HCRTR2: variants seen among roughly 807,000 people sequenced by gnomAD.
The protein encoded by HCRTR2 is hypocretin receptor 2.
HCRTR2 carries 22 observed loss-of-function variants against 49.0 expected under a neutral mutation model. The ratio of observed to expected loss-of-function variants is 0.45; its 90% confidence interval spans 0.32 to 0.64. The LOEUF (loss-of-function observed/expected upper bound fraction) is 0.64, where lower values mean the gene tolerates loss of function less well. HCRTR2 is among the 30% of genes least tolerant of loss of function. The pLI, the probability that HCRTR2 is intolerant of heterozygous loss-of-function variation, is 0.04. For synonymous variants in HCRTR2, 236 were observed against 205.3 expected (o/e 1.15, Z -1.28); for missense variants, 491 against 559.4 (o/e 0.88, Z 1.23).
At chr6:55,246,521 A>G (rs12525016) in intron 1 of HCRTR2, among the ~76,000 whole-genome samples, 4,357 of 152,146 alleles carry the variant, frequency 0.029, 269 homozygotes, top group Admixed American at 0.15. Context: ...GGTTAGACTG[A>G]ATAATCTCCA....
upstream of HCRTR2, among the ~76,000 whole-genome samples, chr6:55,170,049 G>A (rs368853229): frequency 1.8e-4 from 27 of 149,694 alleles, no homozygotes; most frequent in South Asian, 2.1e-4. Flanking sequence ...TAACCACCAA[G>A]AAAAAAAAAT....
chr6:55,206,842 T>C lies in HCRTR2; in HGVS notation c.223+32032T>C, dbSNP rs569521454. The stretch of plus-strand genomic sequence containing the variant: ...AAAAGGCAAAATAATTGCATAATTA[T>C]TGTAGAATAATTTTTGTGTGAGTAT... On this transcript the variant is annotated intron_variant, in intron 1 of 6. Transcript: ENST00000370862. 4.0e-4 allele frequency among the ~76,000 whole-genome samples: 61 copies of C among 152,228 alleles called. 1 individual carries two copies. The South Asian group carries it at 0.011, about 27-fold the overall frequency.
chr6:55,239,045 G>C (rs1257293890), intron 1 of HCRTR2, among the ~76,000 whole-genome samples: 1 of 152,176 alleles, frequency 6.6e-6, no homozygotes, highest in East Asian at 1.9e-4. Context: ...ATCACACTGG[G>C]AACGGGGACT....
intron 1 of HCRTR2, among the ~76,000 whole-genome samples, chr6:55,147,338 G>A (rs893057588): frequency 5.9e-5 from 9 of 152,038 alleles, no homozygotes; most frequent in African/African-American, 2.2e-4. Context: ...TGTACAAGGG[G>A]AATATATGCT....
chr6:55,116,081 A>G (rs1012362978), intron 1 of HCRTR2, among the ~76,000 whole-genome samples: 2 of 151,588 alleles, frequency 1.3e-5, no homozygotes, highest in South Asian at 2.1e-4. Flanking sequence ...ACAAAATATT[A>G]TCAATATATT....
At chr6:55,275,341 A>G (rs1378958862) in intron 4 of HCRTR2, among the ~76,000 whole-genome samples, 2 of 152,140 alleles carry the variant, frequency 1.3e-5, no homozygotes, top group African/African-American at 4.8e-5. Context: ...GATTTACAAT[A>G]ATGTACTTTT....
intron 1 of HCRTR2, among the ~76,000 whole-genome samples, chr6:55,132,785 G>GAAAC (rs1275648271): frequency 1.1e-4 from 16 of 145,500 alleles, no homozygotes; most frequent in African/African-American, 3.0e-4. Flanking sequence ...ATTATAAAGA[G>GAAAC]AAACAAACAA....
intron 1 of HCRTR2, among the ~76,000 whole-genome samples, chr6:55,179,852 C>T (rs898485710): frequency 2.6e-5 from 4 of 152,118 alleles, no homozygotes; most frequent in African/African-American, 9.7e-5. Flanking sequence ...ATGTTAGCAT[C>T]TCAAAGTCTC....
intron 1 of HCRTR2, among the ~76,000 whole-genome samples, chr6:55,175,836 G>A (rs903604109): frequency 2.0e-5 from 3 of 152,112 alleles, no homozygotes; most frequent in Non-Finnish European, 1.5e-5. Context: ...GTGAATGGAA[G>A]GAGAGTGTAC....
intron 1 of HCRTR2, among the ~76,000 whole-genome samples, chr6:55,128,715 T>C (rs1353058139): frequency 6.6e-6 from 1 of 152,148 alleles, no homozygotes; most frequent in Non-Finnish European, 1.5e-5. Flanking sequence ...AGAATATCCA[T>C]GTAGTTTAGT....
intron 1 of HCRTR2, among the ~76,000 whole-genome samples, chr6:55,244,392 G>A (rs1239290348): frequency 6.6e-6 from 1 of 151,878 alleles, no homozygotes; most frequent in African/African-American, 2.4e-5. Flanking sequence ...CAGGCACAAC[G>A]CATGGGGAAA....
At chr6:55,244,968 T>A (rs1766403390) in intron 1 of HCRTR2, among the ~76,000 whole-genome samples, 1 of 152,118 alleles carries the variant, frequency 6.6e-6, no homozygotes, top group Non-Finnish European at 1.5e-5. Context: ...ATAAATTGCC[T>A]GTAGGTATGT....
At chr6:55,223,965 T>C (rs1029988562) in intron 1 of HCRTR2, among the ~76,000 whole-genome samples, 1 of 152,202 alleles carries the variant, frequency 6.6e-6, no homozygotes, top group Non-Finnish European at 1.5e-5. Context: ...TGGATAAATG[T>C]GTATTTCTAC....
rs546764962 is a variant in HCRTR2 at position 55,193,238 on chromosome 6, G to A, written c.223+18428G>A. On this transcript the variant is annotated intron_variant, in intron 1 of 6. Transcript: ENST00000370862. ...ACAGCATCATGGGAAGGCCAGAAAT[G>A]CAATATGTTAAAGTAAAACACAGTG... Among the ~76,000 whole-genome samples, 146 of 152,246 alleles carry A rather than the reference G, an allele frequency of 9.6e-4. 1 individual carries two copies. The highest frequency in any genetic ancestry group is 3.4e-3 in the African/African-American group (140 of 41,554).
At chr6:55,112,883 A>G (rs1165215105) in intron 1 of HCRTR2, among the ~76,000 whole-genome samples, 3 of 152,094 alleles carry the variant, frequency 2.0e-5, no homozygotes, top group African/African-American at 7.2e-5. Flanking sequence ...AAACTATACT[A>G]CAAGGCTATA....
chr6:55,212,194 C>T (rs1162711004), intron 1 of HCRTR2, among the ~76,000 whole-genome samples: 1 of 152,094 alleles, frequency 6.6e-6, no homozygotes, highest in South Asian at 2.1e-4. Context: ...ATTATGGCTG[C>T]CGTTGTTCCC....
At chr6:55,234,227 T>C (rs1766171749) in intron 1 of HCRTR2, among the ~76,000 whole-genome samples, 1 of 152,102 alleles carries the variant, frequency 6.6e-6, no homozygotes, top group South Asian at 2.1e-4. Flanking sequence ...CATCAAAAAA[T>C]AAAACCTAGG....
chr6:55,256,595 T>C (rs72982034), intron 3 of HCRTR2, among the ~76,000 whole-genome samples: 7,124 of 152,214 alleles, frequency 0.047, 244 homozygotes, highest in Non-Finnish European at 0.068. Flanking sequence ...CTGTCTTTTA[T>C]TGGGATTTAC....
Position 55,277,370 on chromosome 6 carries a change from C to T in HCRTR2, c.763-10C>T. ...AAATTGCAATAAGGGTCTGTCTCTT[C>T]TCCTTTCAGATCCCTGGAACATCAT... On this transcript the variant is annotated splice_polypyrimidine_tract_variant and intron_variant, in intron 4 of 6. Transcript: ENST00000370862. The T allele has an allele frequency of 1.2e-6, 2 of 1,606,702 alleles. No homozygotes were observed. The highest frequency in any genetic ancestry group is 2.2e-5 in the South Asian group (2 of 90,890).
Sources: allele counts gnomAD v4.1 joint callset (sites outside exome capture counted in the v4.1 genomes callset), GRCh38; gene constraint gnomAD v4.1.1; transcripts MANE v1.5; gene names NCBI Gene and HGNC (gene_info 2026-07-23, HGNC 2026-07-21).